The following SPAG16 variants were observed in gnomAD, a reference collection of about 807,000 sequenced individuals.
SPAG16 encodes sperm associated antigen 16.
SPAG16 carries 86 observed loss-of-function variants against 80.4 expected under a neutral mutation model. The observed-to-expected ratio is 1.07, with a 90% confidence interval of 0.90 to 1.28. The LOEUF (loss-of-function observed/expected upper bound fraction) is 1.28. Ranked by LOEUF, SPAG16 falls within the 50% of genes most tolerant of loss-of-function variation. The probability of loss-of-function intolerance (pLI) is 0.00; values close to 1 mark genes in which losing one functional copy is unlikely to be tolerated. For synonymous variants in SPAG16, 294 were observed against 265.9 expected (o/e 1.11, Z -1.03); for missense variants, 870 against 765.3 (o/e 1.14, Z -1.61).
chr2:213,460,166 G>C (rs1269406180), intron 9 of SPAG16, among the ~76,000 whole-genome samples: 1 of 151,980 alleles, frequency 6.6e-6, no homozygotes, highest in Non-Finnish European at 1.5e-5. Flanking sequence ...ATTTTCACTT[G>C]CATTTACATT....
chr2:213,922,885 G>A lies in SPAG16; in HGVS notation c.1215-7075G>A, dbSNP rs191996733. Among the ~76,000 whole-genome samples the A allele has an allele frequency of 5.8e-4, 88 of 152,180 alleles. 2 individuals are homozygous for A. In the South Asian group the frequency reaches 0.013, roughly 23 times the overall value. On this transcript the variant is annotated intron_variant, in intron 11 of 15. Transcript: ENST00000331683. The stretch of plus-strand genomic sequence containing the variant: ...TTGAGTTTCCTCAGGCAAGGGCTGC[G>A]GTTGACAGACAAGCTGTATTCTTGC...
intron 10 of SPAG16, among the ~76,000 whole-genome samples, chr2:213,640,346 T>A (rs1186386435): frequency 6.6e-6 from 1 of 152,192 alleles, no homozygotes; most frequent in Non-Finnish European, 1.5e-5. Flanking sequence ...CAGAATTGTT[T>A]TTCTGGTTCC....
At chr2:214,060,970 A>C (rs888432220) in intron 13 of SPAG16, among the ~76,000 whole-genome samples, 2 of 152,192 alleles carry the variant, frequency 1.3e-5, no homozygotes, top group Admixed American at 1.3e-4. Flanking sequence ...GATGGGAACA[A>C]TTTAGGGAAG....
chr2:214,297,250 A>G (rs896563120), intron 15 of SPAG16, among the ~76,000 whole-genome samples: 57 of 152,102 alleles, frequency 3.7e-4, no homozygotes, highest in African/African-American at 1.3e-3. Context: ...ATTTTCTTCA[A>G]TTCTGTAGGT....
chr2:213,361,305 A>G (rs967827367), intron 7 of SPAG16, among the ~76,000 whole-genome samples: 7 of 151,794 alleles, frequency 4.6e-5, no homozygotes, highest in Non-Finnish European at 7.4e-5. Flanking sequence ...GTATCTATGT[A>G]TACTAAATTA....
chr2:214,154,235 T>A (rs1173697894), intron 15 of SPAG16, among the ~76,000 whole-genome samples: 2 of 152,204 alleles, frequency 1.3e-5, no homozygotes, highest in Non-Finnish European at 2.9e-5. Context: ...CATTTCACCA[T>A]GTTTATGTAG....
chr2:213,871,899 G>A (rs2075967440), intron 11 of SPAG16, among the ~76,000 whole-genome samples: 3 of 124,510 alleles, frequency 2.4e-5, no homozygotes, highest in African/African-American at 5.7e-5. Context: ...GAGAGAGAGA[G>A]CAAACAGCAG....
At chr2:213,810,616 C>A (rs6750785) in intron 10 of SPAG16, among the ~76,000 whole-genome samples, 2 of 151,826 alleles carry the variant, frequency 1.3e-5, no homozygotes, top group African/African-American at 4.8e-5. Flanking sequence ...ATATAGAGGA[C>A]AATTCAGAAG....
rs528203689 is a variant in SPAG16, at chr2:213,509,919, G to A, written c.1070+19829G>A. ...GATCAACAAAATTGATAGACTGCTA[G>A]CAAGACTAATAAAGAAGAAAAGAGA... On this transcript the variant is annotated intron_variant, in intron 10 of 15. Transcript: ENST00000331683. 2.6e-5 allele frequency among the ~76,000 whole-genome samples: 4 copies of A among 152,264 alleles called. No individual in the cohort carries two copies. In the South Asian group the frequency reaches 8.3e-4, roughly 32 times the overall value.
At chr2:213,345,931 G>T (rs955102834) in intron 6 of SPAG16, among the ~76,000 whole-genome samples, 4 of 152,172 alleles carry the variant, frequency 2.6e-5, no homozygotes, top group Non-Finnish European at 4.4e-5. Flanking sequence ...GTCATGGGTA[G>T]CCTGATAGGG....
intron 10 of SPAG16, among the ~76,000 whole-genome samples, chr2:213,763,037 C>A (rs746006819): frequency 2.0e-5 from 3 of 152,150 alleles, no homozygotes; most frequent in Non-Finnish European, 4.4e-5. Context: ...TAAAGGTGCT[C>A]ACCATCACTA....
intron 9 of SPAG16, among the ~76,000 whole-genome samples, chr2:213,425,598 G>C (rs1265867509): frequency 6.8e-6 from 1 of 147,320 alleles, no homozygotes; most frequent in Non-Finnish European, 1.5e-5. Flanking sequence ...GTTGCAGTGA[G>C]CCGAGATGGC....
intron 1 of SPAG16, among the ~76,000 whole-genome samples, chr2:213,293,386 C>A (rs1488985): frequency 2.0e-5 from 3 of 152,044 alleles, no homozygotes; most frequent in African/African-American, 7.2e-5. Flanking sequence ...TCCTCACACA[C>A]TGAGTAGACG....
chr2:214,368,175 C>G (rs1559247832), intron 15 of SPAG16, among the ~76,000 whole-genome samples: 1 of 152,044 alleles, frequency 6.6e-6, no homozygotes, highest in African/African-American at 2.4e-5. Flanking sequence ...TTTGAAATCA[C>G]TTTTTTCATC....
intron 9 of SPAG16, among the ~76,000 whole-genome samples, chr2:213,390,421 AC>A (rs1409968926): frequency 1.3e-5 from 2 of 152,256 alleles, no homozygotes; most frequent in African/African-American, 4.8e-5. Context: ...TACAATAAAA[AC>A]ATTATTAAAG....
At chr2:214,339,697 A>C (rs1697535329) in intron 15 of SPAG16, among the ~76,000 whole-genome samples, 1 of 152,140 alleles carries the variant, frequency 6.6e-6, no homozygotes, top group African/African-American at 2.4e-5. Context: ...TAAATTTCTC[A>C]CTTTTAGAAA....
intron 10 of SPAG16, among the ~76,000 whole-genome samples, chr2:213,519,299 T>A (rs2075568505): frequency 6.6e-6 from 1 of 152,382 alleles, no homozygotes; most frequent in African/African-American, 2.4e-5. Context: ...CCTGTTGATA[T>A]GATTTGGCTT....
At chr2:214,299,614 A>G (rs1006530423) in intron 15 of SPAG16, among the ~76,000 whole-genome samples, 2 of 152,164 alleles carry the variant, frequency 1.3e-5, no homozygotes, top group Non-Finnish European at 2.9e-5. Flanking sequence ...ATAGTAAAAA[A>G]TTTATTGGCA....
chr2:213,863,436 G>T (rs939000290), intron 11 of SPAG16, among the ~76,000 whole-genome samples: 1 of 151,862 alleles, frequency 6.6e-6, no homozygotes, highest in Non-Finnish European at 1.5e-5. Context: ...TCTTTGCTAT[G>T]AATGTCTATG....
Sources: allele counts gnomAD v4.1 joint callset (sites outside exome capture counted in the v4.1 genomes callset), GRCh38; gene constraint gnomAD v4.1.1; transcripts MANE v1.5; gene names NCBI Gene and HGNC (gene_info 2026-07-23, HGNC 2026-07-21).